Variants in BRAF observed in about 807,000 individuals in gnomAD.
BRAF encodes the protein B-Raf proto-oncogene, serine/threonine kinase, also known as serine/threonine-protein kinase B-raf.
BRAF carries 16 observed loss-of-function variants against 104.6 expected under a neutral mutation model. The observed-to-expected ratio is 0.15, with a 90% CI of 0.10 to 0.23. The LOEUF is 0.23. Among genes scored for constraint, BRAF ranks in the 10% least tolerant of loss-of-function variants. The pLI, the probability that BRAF is intolerant of heterozygous loss-of-function variation, is 1.00. For missense variants in BRAF, 541 were observed against 937.3 expected (o/e 0.58, Z 5.52); for synonymous variants, 310 against 341.6 (o/e 0.91, Z 1.02).
In BRAF at chr7:140,724,997, T is replaced by C. The variant is rs1230337974; in HGVS notation, c.*1497A>G. 4 of 1,045,530 alleles carry C rather than the reference T, an allele frequency of 3.8e-6. No individual in the cohort carries two copies. Among genetic ancestry groups the C allele is most frequent in the Middle Eastern group, 4.4e-4 (1 of 2,294 alleles). The allele number at this position is 1,045,530 out of a possible 1,614,324, so 64.8% of individuals were successfully genotyped here. ...TCTTAATGAATGCCAGTTCTTTCTA[T>C]AAAAACAACTGATGACAGCTTTCCC... On this transcript the variant is annotated 3_prime_UTR_variant, in exon 20 of 20. Coordinates refer to ENST00000644969, the MANE Select transcript of BRAF (RefSeq NM_001374258.1).
chr7:140,882,109 T>C (rs1290277404), intron 1 of BRAF, among the ~76,000 whole-genome samples: 1 of 152,190 alleles, frequency 6.6e-6, no homozygotes, highest in Non-Finnish European at 1.5e-5. Flanking sequence ...ATCTGTGTAG[T>C]ACAATAAAAT....
rs137866972 is a variant in BRAF, at chr7:140,915,626, G to A, written c.138+8940C>T. On this transcript the variant is annotated intron_variant, in intron 1 of 19. Transcript: ENST00000644969. Reference sequence around the variant, plus strand: ...ATTTTTTGCATTTTTAGTAGAGACGGAGTGTCTCCATGTTGGTCAGGTTGG... The same window carrying A: ...ATTTTTTGCATTTTTAGTAGAGACGAAGTGTCTCCATGTTGGTCAGGTTGG... Among the ~76,000 whole-genome samples, 494 of 151,940 alleles carry A rather than the reference G, an allele frequency of 3.3e-3. 3 individuals carry two copies. Among genetic ancestry groups the A allele is most frequent in the African/African-American group, 0.011 (472 of 41,422 alleles).
intron 1 of BRAF, among the ~76,000 whole-genome samples, chr7:140,876,199 C>T (rs1812241695): frequency 6.6e-6 from 1 of 152,302 alleles, no homozygotes; most frequent in East Asian, 1.9e-4. Context: ...GTAGTTTTAA[C>T]ATTTCTTTAA....
At chr7:140,761,080 A>C (rs993227284) in intron 14 of BRAF, among the ~76,000 whole-genome samples, 1 of 152,166 alleles carries the variant, frequency 6.6e-6, no homozygotes, top group Non-Finnish European at 1.5e-5. Context: ...TCCAAGACAC[A>C]TAACTGTCAG....
At chr7:140,913,625 G>C (rs1817264176) in intron 1 of BRAF, among the ~76,000 whole-genome samples, 1 of 151,822 alleles carries the variant, frequency 6.6e-6, no homozygotes, top group Non-Finnish European at 1.5e-5. Context: ...TGGGATTACA[G>C]GCACATGCCA....
chr7:140,913,108 C>A (rs573938058), intron 1 of BRAF, among the ~76,000 whole-genome samples: 3 of 152,216 alleles, frequency 2.0e-5, no homozygotes, highest in African/African-American at 7.2e-5. Context: ...TGAGGCCTAC[C>A]CTGACCTCCC....
chr7:140,918,208 T>C (rs1380766918), intron 1 of BRAF, among the ~76,000 whole-genome samples: 1 of 152,150 alleles, frequency 6.6e-6, no homozygotes, highest in Non-Finnish European at 1.5e-5. Context: ...ATAGTTATGG[T>C]ATAGGGCAGC....
intron 1 of BRAF, among the ~76,000 whole-genome samples, chr7:140,902,354 C>A (rs1352637537): frequency 6.6e-6 from 1 of 152,208 alleles, no homozygotes; most frequent in African/African-American, 2.4e-5. Context: ...TCTCACTGCT[C>A]CACTGACCAG....
chr7:140,775,252 T>A (rs1463870076), intron 14 of BRAF, among the ~76,000 whole-genome samples: 2 of 152,158 alleles, frequency 1.3e-5, no homozygotes, highest in Non-Finnish European at 2.9e-5. Flanking sequence ...CTGAAGAAAT[T>A]GCAAAGAGAC....
chr7:140,873,855 C>T (rs1284659830), intron 1 of BRAF, among the ~76,000 whole-genome samples: 1 of 152,068 alleles, frequency 6.6e-6, no homozygotes, highest in East Asian at 1.9e-4. Flanking sequence ...CAGATAGACA[C>T]ACAAAGAAAG....
At chr7:140,827,074 CTCT>C (rs1806142305) in intron 3 of BRAF, among the ~76,000 whole-genome samples, 4 of 152,068 alleles carry the variant, frequency 2.6e-5, no homozygotes, top group Admixed American at 2.0e-4. Context: ...TACCTTTTTC[CTCT>C]ATCCCCTGTG....
At chr7:140,871,811 C>T (rs1811626285) in intron 1 of BRAF, among the ~76,000 whole-genome samples, 1 of 152,124 alleles carries the variant, frequency 6.6e-6, no homozygotes, top group African/African-American at 2.4e-5. Context: ...TCTCACAGGC[C>T]ACATTCCCAG....
At chr7:140,742,713 T>C (rs567147752) in intron 17 of BRAF, among the ~76,000 whole-genome samples, 1 of 152,126 alleles carries the variant, frequency 6.6e-6, no homozygotes. Context: ...AAAGCCAAAA[T>C]TGACAAATGG....
chr7:140,750,933 TCTC>T (rs1224311164), intron 16 of BRAF, among the ~76,000 whole-genome samples: 1 of 152,134 alleles, frequency 6.6e-6, no homozygotes, highest in Admixed American at 6.6e-5. Context: ...GGTTTCTTTC[TCTC>T]CTAAGATACA....
rs1374416052 is a variant in BRAF, at chr7:140,722,703, G to C, written c.*3791C>G. 9.5e-7 allele frequency: 1 copy of C among 1,051,094 alleles called. No individual in the cohort carries two copies. Among genetic ancestry groups the C allele is most frequent in the East Asian group, 5.5e-5 (1 of 18,290 alleles). 65.1% of individuals were successfully genotyped at this position (1,051,094 alleles called of 1,614,324 possible). A position where few individuals can be genotyped will look rare whatever the true frequency, so the allele number is the denominator to read the frequency against. ...CTGGGTGGTCTTTCTATGAATGCCTGTGCATGTGACAAAGCTGCAGCAAAC... is the reference window on the plus strand; with the variant it reads ...CTGGGTGGTCTTTCTATGAATGCCTCTGCATGTGACAAAGCTGCAGCAAAC... On this transcript the variant is annotated 3_prime_UTR_variant, in exon 20 of 20. Coordinates refer to ENST00000644969, the MANE Select transcript of BRAF (RefSeq NM_001374258.1).
rs1478335905 is a variant in BRAF, at chr7:140,721,058, C to G, written c.*5436G>C. The stretch of plus-strand genomic sequence containing the variant: ...TATTTTAGTTGTTTTCAGAGCACTT[C>G]TATCTACAGAATTCTTTAAAAAAAA... On this transcript the variant is annotated 3_prime_UTR_variant, in exon 20 of 20. Transcript: ENST00000644969. The G allele has an allele frequency of 3.8e-6, 4 of 1,063,826 alleles. No homozygotes were observed. Among genetic ancestry groups the G allele is most frequent in the Non-Finnish European group, 4.6e-6 (4 of 878,452 alleles). 65.9% of individuals were successfully genotyped at this position (1,063,826 alleles called of 1,614,324 possible). A position where few individuals can be genotyped will look rare whatever the true frequency, so the allele number is the denominator to read the frequency against.
chr7:140,912,729 G>A (rs1253594085), intron 1 of BRAF, among the ~76,000 whole-genome samples: 1 of 151,772 alleles, frequency 6.6e-6, no homozygotes, highest in Non-Finnish European at 1.5e-5. Flanking sequence ...TGTATTTTTA[G>A]TAGAGACAGG....
At chr7:140,838,686 A>G (rs1158958306) in intron 2 of BRAF, among the ~76,000 whole-genome samples, 2 of 152,244 alleles carry the variant, frequency 1.3e-5, no homozygotes, top group African/African-American at 4.8e-5. Flanking sequence ...AAGTTGGAGG[A>G]CTTATACTTC....
At chr7:140,788,420 GTAT>G (rs775552652) in intron 8 of BRAF, among the ~76,000 whole-genome samples, 2 of 152,058 alleles carry the variant, frequency 1.3e-5, no homozygotes, top group Non-Finnish European at 2.9e-5. Context: ...ATTTAATGAA[GTAT>G]TATGCAGCTA....
Sources: gnomAD v4.1 joint callset for allele counts (sites outside exome capture counted in the v4.1 genomes callset) on GRCh38, gnomAD v4.1.1 for gene constraint, MANE v1.5 for transcripts, NCBI Gene and HGNC (gene_info 2026-07-23, HGNC 2026-07-21) for gene names.